RABGAP1L: variants seen among roughly 807,000 people sequenced by gnomAD.
RABGAP1L encodes rab GTPase-activating protein 1-like.
A neutral mutation model predicts 137.7 loss-of-function variants in RABGAP1L; 63 were observed. The ratio of observed to expected loss-of-function variants is 0.46; its 90% CI spans 0.37 to 0.56. The LOEUF is 0.56. Among genes scored for constraint, RABGAP1L ranks in the 20% least tolerant of loss-of-function variants. The pLI is 0.00. For synonymous variants in RABGAP1L, 431 were observed against 433.7 expected, an observed-to-expected ratio of 0.99 and a Z score of 0.08; for missense variants, 1,095 against 1,244.0, an observed-to-expected ratio of 0.88 and a Z score of 1.80.
chr1:174,633,042 G>A (rs922750428), intron 13 of RABGAP1L, among the ~76,000 whole-genome samples: 1 of 152,128 alleles, frequency 6.6e-6, no homozygotes, highest in African/African-American at 2.4e-5. Flanking sequence ...GGGCAGTCAG[G>A]CAGGAGAAGG....
chr1:174,657,978 C>T (rs1015793947), intron 14 of RABGAP1L, among the ~76,000 whole-genome samples: 8 of 152,128 alleles, frequency 5.3e-5, no homozygotes, highest in African/African-American at 1.9e-4. Flanking sequence ...CCATTCAGGT[C>T]AAATAATGAT....
chr1:174,475,096 G>A (rs1376609362), intron 13 of RABGAP1L, among the ~76,000 whole-genome samples: 1 of 151,954 alleles, frequency 6.6e-6, no homozygotes, highest in Non-Finnish European at 1.5e-5. Context: ...ATACAAGCAG[G>A]TGTGATGAAC....
At chr1:174,988,867 A>C in intron 25 of RABGAP1L, 29 bp downstream of exon 25, 2 of 1,517,846 alleles carry the variant, frequency 1.3e-6, no homozygotes, top group Non-Finnish European at 1.8e-6. Flanking sequence ...GAACAAGAAG[A>C]AAGAATAAAC....
At position 174,643,101 on chromosome 1, in the gene RABGAP1L, T is replaced by C. The variant is rs75185104; in HGVS notation, c.1824+5613T>C. Among the ~76,000 whole-genome samples the C allele has an allele frequency of 8.4e-3, 1,275 of 152,188 alleles. 22 individuals are homozygous for C. Among genetic ancestry groups the C allele is most frequent in the African/African-American group, 0.029 (1,219 of 41,500 alleles). On this transcript the variant is annotated intron_variant, in intron 14 of 25. Coordinates refer to ENST00000681986, the MANE Select transcript of RABGAP1L (RefSeq NM_001366446.1). ...TGCCCAGCTGCTCAGCCCCATATTC[T>C]TTACATAGCACTGACTAAGCGCTCC...
At chr1:174,405,419 T>C (rs865825974) in intron 13 of RABGAP1L, among the ~76,000 whole-genome samples, 1 of 152,210 alleles carries the variant, frequency 6.6e-6, no homozygotes. Flanking sequence ...TCACCTTGTC[T>C]AGGTGTAGGC....
At position 174,252,537 on chromosome 1, in the gene RABGAP1L, G is replaced by A. The variant is rs140942610; in HGVS notation, c.933G>A (p.Lys311=). 1 of 1,613,196 alleles carries A rather than the reference G, an allele frequency of 6.2e-7. No individual in the cohort carries two copies. The change falls in exon 7 of 26, where the codon AAG becomes AAA. Residue 311 remains lysine, a synonymous_variant. Coordinates refer to ENST00000681986, the MANE Select transcript of RABGAP1L (RefSeq NM_001366446.1). ...FYFKLKQGIE[K]KVVITVQQLS... The stretch of plus-strand genomic sequence containing the variant: ...TCAAATTAAAGCAAGGAATAGAGAA[G>A]AAGGTTGTGATTACAGTGCAGCAAC...
rs766166162 is a variant in RABGAP1L, at chr1:174,654,072, G to A, written c.1824+16584G>A. On this transcript the variant is annotated intron_variant, in intron 14 of 25. Coordinates refer to ENST00000681986, the MANE Select transcript of RABGAP1L (RefSeq NM_001366446.1). Reference sequence around the variant, plus strand: ...GACTCCAAGGGAAGAAGAAAGGAAAGTTAGGTGCAAATATTGTAGATGTAG... The same window carrying A: ...GACTCCAAGGGAAGAAGAAAGGAAAATTAGGTGCAAATATTGTAGATGTAG... 4.9e-4 allele frequency among the ~76,000 whole-genome samples: 75 copies of A among 152,334 alleles called. 1 individual carries two copies. The highest frequency in any genetic ancestry group is 8.1e-4 in the Non-Finnish European group (55 of 68,022).
rs750812407 is a variant in RABGAP1L at position 174,318,452 on chromosome 1, T to G, written c.1465+13325T>G. ...GGGAGCTATAATTGGGGCGTTGTGT[T>G]TTTGTTTTGTTTTGTTTTGTTTTTC... On this transcript the variant is annotated intron_variant, in intron 11 of 25. Coordinates refer to ENST00000681986, the MANE Select transcript of RABGAP1L (RefSeq NM_001366446.1). 5.9e-5 allele frequency among the ~76,000 whole-genome samples: 9 copies of G among 152,128 alleles called. No individual in the cohort carries two copies. The East Asian group carries it at 1.7e-3, about 29-fold the overall frequency.
Position 174,638,779 on chromosome 1 carries a change from C to T in RABGAP1L, c.1824+1291C>T, listed in dbSNP as rs572551954. The stretch of plus-strand genomic sequence containing the variant: ...GAAACCATCATTCTCAGTAAACTAT[C>T]GCAAGAACAAAAAAGCAAACACCGC... On this transcript the variant is annotated intron_variant, in intron 14 of 25. Coordinates refer to ENST00000681986, the MANE Select transcript of RABGAP1L (RefSeq NM_001366446.1). Among the ~76,000 whole-genome samples, 1,141 of 147,242 alleles carry T rather than the reference C, an allele frequency of 7.7e-3. 9 individuals carry two copies. Among genetic ancestry groups the T allele is most frequent in the African/African-American group, 0.02 (805 of 39,422 alleles).
intron 19 of RABGAP1L, among the ~76,000 whole-genome samples, chr1:174,927,400 C>T (rs1167209572): frequency 1.3e-5 from 2 of 152,058 alleles, no homozygotes; most frequent in South Asian, 2.1e-4. Context: ...ATTTCTTCTT[C>T]TTTTTTTAAA....
intron 13 of RABGAP1L, among the ~76,000 whole-genome samples, chr1:174,484,706 T>C (rs1183534098): frequency 1.3e-5 from 2 of 152,186 alleles, no homozygotes; most frequent in Non-Finnish European, 2.9e-5. Flanking sequence ...TCATTGTAGA[T>C]GTGTGGGTTT....
At chr1:174,653,396 T>G (rs1416871312) in intron 14 of RABGAP1L, among the ~76,000 whole-genome samples, 1 of 152,142 alleles carries the variant, frequency 6.6e-6, no homozygotes, top group Non-Finnish European at 1.5e-5. Context: ...AGTTTTGTGC[T>G]TGAAACCCAG....
chr1:174,683,751 T>C (rs1365449387), intron 15 of RABGAP1L, among the ~76,000 whole-genome samples, 155 bp downstream of exon 15: 1 of 152,242 alleles, frequency 6.6e-6, no homozygotes, highest in African/African-American at 2.4e-5. Flanking sequence ...AAGTAAGAGA[T>C]ATGATGTCAA....
Position 174,571,641 on chromosome 1 carries a change from G to A in RABGAP1L, c.1711-65734G>A, listed in dbSNP as rs1420968462. On this transcript the variant is annotated intron_variant, in intron 13 of 25. Coordinates refer to ENST00000681986, the MANE Select transcript of RABGAP1L (RefSeq NM_001366446.1). ...GTGTATGCATGCAATATAAATGCTTGTTCCTAGAGGATTTCAAGATCATAT... is the reference window on the plus strand; with the variant it reads ...GTGTATGCATGCAATATAAATGCTTATTCCTAGAGGATTTCAAGATCATAT... 1.3e-5 allele frequency among the ~76,000 whole-genome samples: 2 copies of A among 152,034 alleles called. 1 individual carries two copies. The highest frequency in any genetic ancestry group is 2.9e-5 in the Non-Finnish European group (2 of 68,002).
chr1:174,537,996 A>G (rs1572220585), intron 13 of RABGAP1L, among the ~76,000 whole-genome samples: 1 of 152,096 alleles, frequency 6.6e-6, no homozygotes, highest in African/African-American at 2.4e-5. Context: ...TTGTTATGTA[A>G]TTTCCTTATT....
intron 14 of RABGAP1L, among the ~76,000 whole-genome samples, chr1:174,658,190 C>T (rs1046159575): frequency 6.6e-6 from 1 of 152,180 alleles, no homozygotes; most frequent in Non-Finnish European, 1.5e-5. Flanking sequence ...ACCCTCCAGG[C>T]AGCTGCAGGT....
At chr1:174,295,964 C>T (rs1315041795) in intron 10 of RABGAP1L, among the ~76,000 whole-genome samples, 1 of 152,024 alleles carries the variant, frequency 6.6e-6, no homozygotes, top group Admixed American at 6.5e-5. Flanking sequence ...ATGAAATCAC[C>T]CAGAGCCTAA....
intron 19 of RABGAP1L, among the ~76,000 whole-genome samples, chr1:174,846,096 G>T (rs888568031): frequency 6.6e-6 from 1 of 151,902 alleles, no homozygotes; most frequent in South Asian, 2.1e-4. Context: ...TTTTTATTGT[G>T]TCTATTTGAT....
At chr1:174,408,438 T>C (rs1649526838) in intron 13 of RABGAP1L, among the ~76,000 whole-genome samples, 1 of 152,252 alleles carries the variant, frequency 6.6e-6, no homozygotes, top group South Asian at 2.1e-4. Context: ...GGTGTATATA[T>C]ACCACATTTT....
Sources: allele counts gnomAD v4.1 joint callset (sites outside exome capture counted in the v4.1 genomes callset), GRCh38; gene constraint gnomAD v4.1.1; transcripts MANE v1.5; gene names NCBI Gene and HGNC (gene_info 2026-07-23, HGNC 2026-07-21).